AXIN2: variants seen among roughly 807,000 people sequenced by gnomAD.
AXIN2 encodes axin-2.
AXIN2 carries 21 observed loss-of-function variants against 74.7 expected under a neutral mutation model. The ratio of observed to expected loss-of-function variants is 0.28; its 90% CI spans 0.20 to 0.40. AXIN2 has a LOEUF of 0.40. AXIN2 is among the 10% of genes least tolerant of loss of function. AXIN2 has a pLI of 1.00. For synonymous variants in AXIN2, 532 were observed against 454.9 expected (o/e 1.17, Z -2.16); for missense variants, 1,144 against 1,111.1 (o/e 1.03, Z -0.42).
In AXIN2 at chr17:65,533,956, G is replaced by C; in HGVS notation, c.2361C>G (p.Thr787=). 1 of 1,614,110 alleles carries C rather than the reference G, an allele frequency of 6.2e-7. No homozygotes were observed. The highest frequency in any genetic ancestry group is 8.5e-7 in the Non-Finnish European group (1 of 1,180,018). The part of the protein sequence containing the change: ...YRRMLKAQSL[T]LGHFKEQLSK... ...TGAGCTGCTCTTTAAAGTGGCCCAGGGTCAAGCTCTGAGCCTTCAGCATCC... is the reference window on the plus strand; with the variant it reads ...TGAGCTGCTCTTTAAAGTGGCCCAGCGTCAAGCTCTGAGCCTTCAGCATCC... Residue 787 remains threonine (T), a synonymous_variant, in exon 10 of 11, where the codon ACC becomes ACG. Transcript: ENST00000307078.
chr17:65,538,405 GGCCGGA>G (rs1218003574), intron 4 of AXIN2, 62 bp from the exon 5 acceptor site: 24 of 1,605,806 alleles, frequency 1.5e-5, no homozygotes, highest in Non-Finnish European at 1.9e-5. Context: ...GCGGTGGCTT[GGCCGGA>G]GCTTCCCGCA....
intron 5 of AXIN2, 173 bp from the exon 6 acceptor site, chr17:65,538,008 A>T: frequency 7.6e-7 from 1 of 1,323,494 alleles, no homozygotes; most frequent in Non-Finnish European, 1.0e-6. Context: ...ATCCACACGC[A>T]TATGCACACC....
In AXIN2 at chr17:65,536,844, CGCGGCG is replaced by C. The variant is rs891443949; in HGVS notation, c.1907+19_1907+24del. On this transcript the variant is annotated intron_variant, in intron 7 of 10. Transcript: ENST00000307078. ...ACTGAGTGCCCATGACCCTCGCGGC[CGCGGCG>C]GCGGCAAGCGGTGTTTACCTATGGG... 1 of 1,612,408 alleles carries C rather than the reference CGCGGCG, an allele frequency of 6.2e-7. No individual in the cohort carries two copies. The highest frequency in any genetic ancestry group is 1.1e-5 in the South Asian group (1 of 91,008).
chr17:65,533,903 G>A lies in AXIN2; in HGVS notation c.2405+9C>T, dbSNP rs755268066. The A allele has an allele frequency of 6.2e-7, 1 of 1,612,714 alleles. No individual in the cohort carries two copies. The highest frequency in any genetic ancestry group is 8.5e-7 in the Non-Finnish European group (1 of 1,179,368). On this transcript the variant is annotated intron_variant, in intron 10 of 10. Transcript: ENST00000307078. ...AACTGAGAGCAGAAAAAAGCCACAG[G>A]ACTCTTACCTATAATTTCCCTTTTT...
chr17:65,553,450 T>C (rs933755640), intron 2 of AXIN2, among the ~76,000 whole-genome samples: 16 of 152,224 alleles, frequency 1.1e-4, no homozygotes, highest in African/African-American at 3.9e-4. Flanking sequence ...GTAAGAGCTA[T>C]ACTTCAACCT....
rs1020800345 is a variant in AXIN2 at position 65,529,755 on chromosome 17, A to C, written c.*221T>G. 1.1e-5 allele frequency: 7 copies of C among 637,810 alleles called. No individual in the cohort carries two copies. The African/African-American group carries it at 1.3e-4, about 12-fold the overall frequency. 39.5% of individuals were successfully genotyped at this position (637,810 alleles called of 1,614,324 possible). A position where few individuals can be genotyped will look rare whatever the true frequency, so the allele number is the denominator to read the frequency against. On this transcript the variant is annotated 3_prime_UTR_variant, in exon 11 of 11. Transcript: ENST00000307078. ...CCAAGAGTGGTCATGTTTTTAATAA[A>C]TAGTTCAGGCTTTTCTTATCTCAGT...
Position 65,557,998 on chromosome 17 carries a change from G to C in AXIN2, c.623C>G (p.Ala208Gly), listed in dbSNP as rs201531372. 6.2e-7 allele frequency: 1 copy of C among 1,614,160 alleles called. No individual in the cohort carries two copies. Among genetic ancestry groups the C allele is most frequent in the Non-Finnish European group, 8.5e-7 (1 of 1,180,042 alleles). ...CCCGAGTCCCCCATTACTCATGTAA[G>C]CTGTGTTTTCTCCCCCACTCCTCAC... Reference protein sequence around the residue: ...EYVRSGGENTAYMSNGGLGSL... With the variant: ...EYVRSGGENTGYMSNGGLGSL... Residue 208 changes from alanine (A) to glycine (G), a missense_variant, in exon 2 of 11, where the codon GCT becomes GGT. Around this residue, in one of 4 missense-constraint regions of AXIN2, gnomAD observed 1,053 missense variants for 973.5 expected, o/e 1.08. Transcript: ENST00000307078.
intron 4 of AXIN2, 75 bp from the exon 5 acceptor site, chr17:65,538,418 C>T (rs1247179524): frequency 2.5e-6 from 4 of 1,591,830 alleles, no homozygotes; most frequent in South Asian, 1.1e-5. Context: ...CGGAGCTTCC[C>T]GCACCAGGCG....
Position 65,554,099 on chromosome 17 carries a change from C to CT in AXIN2, c.815+3706dup, listed in dbSNP as rs2044232999. 2.6e-5 allele frequency among the ~76,000 whole-genome samples: 4 copies of CT among 151,420 alleles called. No individual in the cohort carries two copies. The South Asian group carries it at 8.3e-4, about 31-fold the overall frequency. On this transcript the variant is annotated intron_variant, in intron 2 of 10. Coordinates refer to ENST00000307078, the MANE Select transcript of AXIN2 (RefSeq NM_004655.4). ...AGGGAAAGGAGGTGCCGGCTGCTTT[C>CT]TGTTTTCCCCTATCCTGTTCTTATC...
chr17:65,544,492 C>T lies in AXIN2; in HGVS notation c.957-2935G>A, dbSNP rs1349855584. On this transcript the variant is annotated intron_variant, in intron 3 of 10. Coordinates refer to ENST00000307078, the MANE Select transcript of AXIN2 (RefSeq NM_004655.4). ...AAAGGAAGATGTCAGCCTGTAGAGG[C>T]TCAGAAAGGCTTAACAGGCACCTTC... 2.0e-5 allele frequency among the ~76,000 whole-genome samples: 3 copies of T among 151,492 alleles called. No individual in the cohort carries two copies. The Admixed American group carries it at 2.0e-4, about 10-fold the overall frequency.
chr17:65,531,349 T>C (rs1389180197), intron 10 of AXIN2, among the ~76,000 whole-genome samples: 1 of 151,982 alleles, frequency 6.6e-6, no homozygotes, highest in Non-Finnish European at 1.5e-5. Context: ...ACCCAGCTAA[T>C]GCAGTGGGGT....
chr17:65,532,650 G>C (rs760593000), intron 10 of AXIN2, among the ~76,000 whole-genome samples: 11 of 152,218 alleles, frequency 7.2e-5, no homozygotes, highest in South Asian at 2.1e-4. Context: ...AACTATACAA[G>C]GCCTGCTCTA....
intron 2 of AXIN2, among the ~76,000 whole-genome samples, chr17:65,553,780 A>T (rs1334195240): frequency 6.7e-6 from 1 of 150,226 alleles, no homozygotes; most frequent in Non-Finnish European, 1.5e-5. Flanking sequence ...GACCTTTGTC[A>T]AAAGTGCCAC....
chr17:65,528,674 G>C lies in AXIN2; in HGVS notation c.*1302C>G, dbSNP rs1404013369. 1 of 516,484 alleles carries C rather than the reference G, an allele frequency of 1.9e-6. No homozygotes were observed. Among genetic ancestry groups the C allele is most frequent in the South Asian group, 1.6e-5 (1 of 61,828 alleles). 32.0% of individuals were successfully genotyped at this position (516,484 alleles called of 1,614,324 possible). A position where few individuals can be genotyped will look rare whatever the true frequency, so the allele number is the denominator to read the frequency against. On this transcript the variant is annotated 3_prime_UTR_variant, in exon 11 of 11. Coordinates refer to ENST00000307078, the MANE Select transcript of AXIN2 (RefSeq NM_004655.4). ...TTATAATGCATAATTTACAGTATAA[G>C]TAGAACAAAATGTCATGACAAAAGT...
chr17:65,558,815 A>C lies in AXIN2; in HGVS notation c.-116-79T>G. 4.9e-6 allele frequency: 3 copies of C among 618,332 alleles called. No individual in the cohort carries two copies. In the South Asian group the frequency reaches 6.0e-5, roughly 12 times the overall value. The allele number at this position is 618,332 out of a possible 1,614,324, so 38.3% of individuals were successfully genotyped here. On this transcript the variant is annotated intron_variant, in intron 1 of 10. Coordinates refer to ENST00000307078, the MANE Select transcript of AXIN2 (RefSeq NM_004655.4). ...ATCAAAACCAGATCTACCCAACATCAAAGCAAGAAAGTAAACAGGCTTTTC... is the reference window on the plus strand; with the variant it reads ...ATCAAAACCAGATCTACCCAACATCCAAGCAAGAAAGTAAACAGGCTTTTC...
chr17:65,560,954 A>T (rs1046833306), intron 1 of AXIN2: 1 of 144,486 alleles, frequency 6.9e-6, no homozygotes, highest in Admixed American at 6.8e-5. Flanking sequence ...GTCGGGGAAC[A>T]TGGGGAGTCG....
chr17:65,535,512 CAA>C, intron 9 of AXIN2, 112 bp downstream of exon 9: 1 of 1,001,436 alleles, frequency 1.0e-6, no homozygotes, highest in Non-Finnish European at 1.6e-6. Flanking sequence ...GCGCTAAAAT[CAA>C]AGTGATTTTA....
intron 1 of AXIN2, among the ~76,000 whole-genome samples, chr17:65,559,102 C>A (rs2044322267): frequency 6.6e-6 from 1 of 151,328 alleles, no homozygotes; most frequent in Non-Finnish European, 1.5e-5. Context: ...GCCCGCGCCT[C>A]GCCTTCCCTC....
intron 9 of AXIN2, 125 bp downstream of exon 9, chr17:65,535,501 A>C: frequency 1.5e-5 from 13 of 841,750 alleles, no homozygotes; most frequent in Non-Finnish European, 2.6e-5. Flanking sequence ...CCTCATCACT[A>C]GCGCTAAAAT....
Sources: allele counts gnomAD v4.1 joint callset (sites outside exome capture counted in the v4.1 genomes callset), GRCh38; gene constraint gnomAD v4.1.1; regional missense constraint gnomAD v4.1.1; transcripts MANE v1.5; gene names NCBI Gene and HGNC (gene_info 2026-07-23, HGNC 2026-07-21).